Variants in DOCK4 observed in about 807,000 individuals in gnomAD.
DOCK4 encodes dedicator of cytokinesis 4.
DOCK4 carries 97 observed loss-of-function variants against 268.1 expected under a neutral mutation model. The observed-to-expected ratio is 0.36, with a 90% CI of 0.31 to 0.43. The LOEUF (loss-of-function observed/expected upper bound fraction) is 0.43, where lower values mean the gene tolerates loss of function less well. Ranked by LOEUF, DOCK4 falls within the 20% of genes least tolerant of loss-of-function variation. The probability of loss-of-function intolerance (pLI) is 1.00; values close to 1 mark genes in which losing one functional copy is unlikely to be tolerated. For missense variants in DOCK4, 2,145 were observed against 2,455.7 expected, an observed-to-expected ratio of 0.87 and a Z score of 2.67; for synonymous variants, 954 against 887.2, an observed-to-expected ratio of 1.08 and a Z score of -1.34.
intron 1 of DOCK4, among the ~76,000 whole-genome samples, chr7:112,188,403 G>A (rs1819643793): frequency 6.6e-6 from 1 of 152,206 alleles, no homozygotes; most frequent in African/African-American, 2.4e-5. Flanking sequence ...GAAGATAAAT[G>A]CTTTGCCTGA....
At chr7:111,992,328 A>C (rs1799608771) in intron 5 of DOCK4, among the ~76,000 whole-genome samples, 1 of 152,194 alleles carries the variant, frequency 6.6e-6, no homozygotes, top group African/African-American at 2.4e-5. Flanking sequence ...AATAACCTAA[A>C]CACACTTGAG....
intron 1 of DOCK4, among the ~76,000 whole-genome samples, chr7:112,087,053 A>T (rs562638423): frequency 6.6e-6 from 1 of 151,920 alleles, no homozygotes; most frequent in Non-Finnish European, 1.5e-5. Context: ...TCAGAGTTCT[A>T]TATTTTGTGG....
chr7:111,767,227 CT>C (rs372483378), intron 37 of DOCK4, 109 bp from the exon 38 acceptor site: 90,438 of 459,750 alleles, frequency 0.2, 2 homozygotes, highest in South Asian at 0.26. Context: ...ACTCCTTAAT[CT>C]TTTTTTTTTT....
intron 23 of DOCK4, among the ~76,000 whole-genome samples, chr7:111,854,540 C>T (rs755791681): frequency 7.2e-5 from 11 of 152,174 alleles, no homozygotes; most frequent in Admixed American, 7.2e-4. Flanking sequence ...GGAGTTCTGT[C>T]TGTGGCTCAT....
chr7:112,097,422 T>C (rs912280397), intron 1 of DOCK4, among the ~76,000 whole-genome samples: 1 of 151,796 alleles, frequency 6.6e-6, no homozygotes, highest in African/African-American at 2.4e-5. Context: ...TTTTTTTTTT[T>C]AAGTTAGCTG....
At chr7:112,203,832 C>CT (rs1821154452) in intron 1 of DOCK4, among the ~76,000 whole-genome samples, 1 of 6,396 alleles carries the variant, frequency 1.6e-4, no homozygotes, top group Non-Finnish European at 5.6e-4. Context: ...TCACTACACA[C>CT]ACACACACAC....
intron 1 of DOCK4, among the ~76,000 whole-genome samples, chr7:112,051,730 ATAT>A (rs1441029967): frequency 6.8e-6 from 1 of 147,024 alleles, no homozygotes; most frequent in Non-Finnish European, 1.5e-5. Context: ...AAATGATATT[ATAT>A]TATTATATGA....
chr7:111,924,366 GA>G (rs1793419815), intron 12 of DOCK4, among the ~76,000 whole-genome samples: 1 of 152,130 alleles, frequency 6.6e-6, no homozygotes, highest in Non-Finnish European at 1.5e-5. Context: ...GGGACCAGGG[GA>G]AATGTGATAT....
intron 8 of DOCK4, among the ~76,000 whole-genome samples, chr7:111,970,999 T>C (rs1001349482): frequency 6.6e-6 from 1 of 152,222 alleles, no homozygotes; most frequent in Non-Finnish European, 1.5e-5. Context: ...TCAGGAAATG[T>C]ACTCTTCCTG....
rs182864203 is a variant in DOCK4, at chr7:112,040,098, G to C, written c.38-35967C>G. Among the ~76,000 whole-genome samples, 569 of 152,158 alleles carry C rather than the reference G, an allele frequency of 3.7e-3. 2 individuals carry two copies. Among genetic ancestry groups the C allele is most frequent in the Non-Finnish European group, 6.5e-3 (442 of 68,006 alleles). On this transcript the variant is annotated intron_variant, in intron 1 of 52. Coordinates refer to ENST00000428084, the MANE Select transcript of DOCK4 (RefSeq NM_001363540.2). ...TGTATACTGACCCAATTTTAAGTGA[G>C]GTCAAAATGCTTTAGAGAAAGCTTA...
chr7:111,822,343 A>T lies in DOCK4; in HGVS notation c.2930+19T>A, dbSNP rs1337332568. Reference sequence around the variant, plus strand: ...CTCTATACATTGAGCTGCAATTATCATCAACTTAAATGTCTTACTTGTTAG... The same window carrying T: ...CTCTATACATTGAGCTGCAATTATCTTCAACTTAAATGTCTTACTTGTTAG... On this transcript the variant is annotated intron_variant, in intron 27 of 52. Coordinates refer to ENST00000428084, the MANE Select transcript of DOCK4 (RefSeq NM_001363540.2). 6.3e-7 allele frequency: 1 copy of T among 1,597,612 alleles called. No individual in the cohort carries two copies. Among genetic ancestry groups the T allele is most frequent in the Non-Finnish European group, 8.6e-7 (1 of 1,167,068 alleles).
intron 47 of DOCK4, chr7:111,740,021 T>C: frequency 1.7e-5 from 6 of 348,262 alleles, no homozygotes; most frequent in South Asian, 4.0e-5. Context: ...ATTTTTCTTG[T>C]ATAAAAAAAA....
chr7:112,030,070 G>A (rs970481525), intron 1 of DOCK4, among the ~76,000 whole-genome samples: 2 of 152,222 alleles, frequency 1.3e-5, no homozygotes, highest in African/African-American at 4.8e-5. Context: ...CTACTGGCAT[G>A]TCACATCTCC....
chr7:111,980,786 C>T (rs1387470387), intron 7 of DOCK4, among the ~76,000 whole-genome samples: 1 of 152,206 alleles, frequency 6.6e-6, no homozygotes, highest in Non-Finnish European at 1.5e-5. Flanking sequence ...ACTGTGTTCC[C>T]TCTGAGATCT....
intron 1 of DOCK4, among the ~76,000 whole-genome samples, chr7:112,126,598 A>T (rs1172111349): frequency 2.6e-5 from 4 of 152,224 alleles, no homozygotes; most frequent in African/African-American, 2.4e-5. Flanking sequence ...CAGCAAAAGA[A>T]ACTACCATCA....
chr7:111,869,855 C>G (rs1429579551), intron 20 of DOCK4, among the ~76,000 whole-genome samples, 200 bp from the exon 21 acceptor site: 1 of 152,088 alleles, frequency 6.6e-6, no homozygotes, highest in East Asian at 1.9e-4. Flanking sequence ...AAGGGAGAAA[C>G]AACACTCAAT....
At chr7:112,087,425 C>T (rs1809197746) in intron 1 of DOCK4, among the ~76,000 whole-genome samples, 2 of 152,068 alleles carry the variant, frequency 1.3e-5, no homozygotes, top group African/African-American at 4.8e-5. Flanking sequence ...CTTATTTGCA[C>T]ACAAATAGAC....
chr7:111,760,368 G>A lies in DOCK4; in HGVS notation c.4021-46C>T, dbSNP rs1484735381. On this transcript the variant is annotated intron_variant, in intron 39 of 52. Coordinates refer to ENST00000428084, the MANE Select transcript of DOCK4 (RefSeq NM_001363540.2). Reference sequence around the variant, plus strand: ...GAAATTAGGGCTATATAACTGAGTGGATTACAGACAGAGCCAAAAAACATG... The same window carrying A: ...GAAATTAGGGCTATATAACTGAGTGAATTACAGACAGAGCCAAAAAACATG... 1.9e-6 allele frequency: 3 copies of A among 1,576,194 alleles called. No individual in the cohort carries two copies. The South Asian group carries it at 3.4e-5, about 18-fold the overall frequency.
chr7:111,992,576 T>C lies in DOCK4; in HGVS notation c.315+1559A>G, dbSNP rs571696404. On this transcript the variant is annotated intron_variant, in intron 5 of 52. Transcript: ENST00000428084. ...CACTAGGAGGAAAGGAGTTTACTTA[T>C]AGAGTTTACAACACACAGATTTTCA... is the stretch of plus-strand genomic sequence containing the variant. 4.6e-5 allele frequency among the ~76,000 whole-genome samples: 7 copies of C among 152,340 alleles called. No homozygotes were observed. The East Asian group carries it at 9.6e-4, about 21-fold the overall frequency.
Sources: allele counts gnomAD v4.1 joint callset (sites outside exome capture counted in the v4.1 genomes callset), GRCh38; gene constraint gnomAD v4.1.1; transcripts MANE v1.5; gene names NCBI Gene and HGNC (gene_info 2026-07-23, HGNC 2026-07-21).